The following DLGAP2 variants were observed in gnomAD, a reference collection of about 807,000 sequenced individuals.
The protein encoded by DLGAP2 is DLG associated protein 2, also known as disks large-associated protein 2.
DLGAP2 carries 26 observed loss-of-function variants against 100.3 expected under a neutral mutation model. The observed-to-expected ratio is 0.26, with a 90% CI of 0.19 to 0.36. DLGAP2 has a LOEUF of 0.36. DLGAP2 is among the 10% of genes least tolerant of loss of function. The pLI, the probability that DLGAP2 is intolerant of heterozygous loss-of-function variation, is 1.00. For synonymous variants in DLGAP2, 886 were observed against 630.1 expected (o/e 1.41, Z -6.08); for missense variants, 1,858 against 1,453.2 (o/e 1.28, Z -4.53).
chr8:1,455,301 C>G (rs1798279099), intron 3 of DLGAP2, among the ~76,000 whole-genome samples: 1 of 152,232 alleles, frequency 6.6e-6, no homozygotes, highest in Non-Finnish European at 1.5e-5. Context: ...GGGGCAGGGC[C>G]CCTCTGGAGC....
chr8:1,598,606 T>C (rs1177887480), intron 6 of DLGAP2, among the ~76,000 whole-genome samples: 1 of 152,218 alleles, frequency 6.6e-6, no homozygotes, highest in Non-Finnish European at 1.5e-5. Flanking sequence ...GGTGTATGTT[T>C]CCAGGAATGT....
At chr8:1,449,754 G>T (rs1041796231) in intron 3 of DLGAP2, among the ~76,000 whole-genome samples, 1 of 152,160 alleles carries the variant, frequency 6.6e-6, no homozygotes, top group African/African-American at 2.4e-5. Context: ...ATGCGAATGG[G>T]AGAGGCACCA....
chr8:1,307,545 G>A (rs73670725), intron 3 of DLGAP2, among the ~76,000 whole-genome samples: 1 of 152,092 alleles, frequency 6.6e-6, no homozygotes, highest in African/African-American at 2.4e-5. Context: ...GTGGAAGCAG[G>A]GCTCAGATAA....
chr8:1,241,339 G>T (rs902874379), intron 2 of DLGAP2, among the ~76,000 whole-genome samples: 2 of 88,386 alleles, frequency 2.3e-5, no homozygotes, highest in Non-Finnish European at 5.0e-5. Context: ...GTGTCTAGTT[G>T]TCTCACATGG....
chr8:971,573 A>G (rs932180972), intron 2 of DLGAP2, among the ~76,000 whole-genome samples: 5 of 152,208 alleles, frequency 3.3e-5, no homozygotes, highest in African/African-American at 1.2e-4. Context: ...CTTGCTTGAG[A>G]GAGAAGACTC....
intron 2 of DLGAP2, among the ~76,000 whole-genome samples, chr8:1,042,838 G>A (rs1482358997): frequency 3.3e-4 from 37 of 113,254 alleles, no homozygotes; most frequent in Non-Finnish European, 4.4e-4. Context: ...GGTGTGGGTG[G>A]TGGGTGTGGG....
intron 2 of DLGAP2, among the ~76,000 whole-genome samples, chr8:933,364 G>A (rs1222980983): frequency 1.3e-5 from 2 of 151,438 alleles, no homozygotes; most frequent in South Asian, 2.1e-4. Flanking sequence ...GGAGGGTGAG[G>A]GCAGAGCCTG....
chr8:1,222,250 G>A (rs900408568), intron 2 of DLGAP2, among the ~76,000 whole-genome samples: 3 of 152,162 alleles, frequency 2.0e-5, no homozygotes, highest in Non-Finnish European at 4.4e-5. Flanking sequence ...TTTTGGATGG[G>A]GCTTTTTGAT....
At chr8:1,074,512 C>A (rs980615680) in intron 2 of DLGAP2, among the ~76,000 whole-genome samples, 2 of 152,194 alleles carry the variant, frequency 1.3e-5, no homozygotes, top group African/African-American at 4.8e-5. Flanking sequence ...ATGCCGGGGA[C>A]AGAGAGAGCT....
rs1554480825 is a variant in DLGAP2, at chr8:1,481,477, T to TC, written c.107-19889_107-19888insC. On this transcript the variant is annotated intron_variant, in intron 3 of 14. Transcript: ENST00000637795. ...TCTTTTTCTTTTTCTTTTTCTTTTTTTTTTTTTTTTTTTTTTTTGAGATGG... is the reference window on the plus strand; with the variant it reads ...TCTTTTTCTTTTTCTTTTTCTTTTTTCTTTTTTTTTTTTTTTTTTGAGATGG... 2.7e-3 allele frequency among the ~76,000 whole-genome samples: 312 copies of TC among 114,978 alleles called. 3 individuals carry two copies. The Middle Eastern group carries it at 0.064, about 24-fold the overall frequency. 75.4% of individuals were successfully genotyped at this position (114,978 alleles called of 152,430 possible).
At chr8:1,490,840 C>T (rs551635013) in intron 3 of DLGAP2, among the ~76,000 whole-genome samples, 38 of 147,724 alleles carry the variant, frequency 2.6e-4, no homozygotes, top group African/African-American at 6.3e-4. Flanking sequence ...CACATGGACA[C>T]AGGAAGGGGA....
At chr8:903,949 G>C (rs576714862) in intron 1 of DLGAP2, among the ~76,000 whole-genome samples, 59 of 152,364 alleles carry the variant, frequency 3.9e-4, no homozygotes, top group African/African-American at 1.3e-3. Flanking sequence ...AGCTGCACGG[G>C]AGGCATCAGG....
At position 1,334,666 on chromosome 8, in the gene DLGAP2, C is replaced by T. The variant is rs560879522; in HGVS notation, c.106+75783C>T. ...GGTGGGATGACCAGTGTGGCATCCA[C>T]GTCGGCATTCTCGGCACTCCAGGGT... On this transcript the variant is annotated intron_variant, in intron 3 of 14. Transcript: ENST00000637795. 5.3e-5 allele frequency among the ~76,000 whole-genome samples: 8 copies of T among 152,250 alleles called. No individual in the cohort carries two copies. In the South Asian group the frequency reaches 6.2e-4, roughly 12 times the overall value.
chr8:1,467,833 G>A (rs1045388185), intron 3 of DLGAP2, among the ~76,000 whole-genome samples: 23 of 152,278 alleles, frequency 1.5e-4, no homozygotes, highest in Middle Eastern at 6.8e-3. Context: ...CAGGGGTGGC[G>A]CCAGGGTGAG....
intron 4 of DLGAP2, among the ~76,000 whole-genome samples, chr8:1,520,776 A>G (rs1484557172): frequency 2.0e-5 from 3 of 152,190 alleles, no homozygotes; most frequent in Non-Finnish European, 2.9e-5. Context: ...CCTGAAGGAC[A>G]TCTTCCAAGT....
At chr8:1,511,171 A>C (rs553155290) in intron 4 of DLGAP2, among the ~76,000 whole-genome samples, 1 of 151,716 alleles carries the variant, frequency 6.6e-6, no homozygotes, top group African/African-American at 2.4e-5. Flanking sequence ...AGTGTAGGAC[A>C]ATCAATAGAT....
chr8:1,583,370 G>A (rs983444590), intron 6 of DLGAP2, among the ~76,000 whole-genome samples: 5 of 152,026 alleles, frequency 3.3e-5, no homozygotes, highest in Admixed American at 3.3e-4. Flanking sequence ...GCCTGCCCTG[G>A]GATCACCTTT....
At chr8:1,495,715 G>T (rs1245868510) in intron 3 of DLGAP2, among the ~76,000 whole-genome samples, 2 of 151,516 alleles carry the variant, frequency 1.3e-5, no homozygotes, top group African/African-American at 2.4e-5. Flanking sequence ...TCATCGTCTC[G>T]CAGGCAGCTC....
intron 3 of DLGAP2, among the ~76,000 whole-genome samples, chr8:1,448,533 T>C (rs1371908276): frequency 6.6e-6 from 1 of 152,162 alleles, no homozygotes; most frequent in Non-Finnish European, 1.5e-5. Flanking sequence ...GGAATAGGTG[T>C]GGTGTGGTGC....
Sources: allele counts gnomAD v4.1 joint callset (sites outside exome capture counted in the v4.1 genomes callset), GRCh38; gene constraint gnomAD v4.1.1; transcripts MANE v1.5; gene names NCBI Gene and HGNC (gene_info 2026-07-23, HGNC 2026-07-21).